PHC3: variants seen among roughly 807,000 people sequenced by gnomAD.
PHC3 encodes polyhomeotic homolog 3.
Under a neutral mutation model 107.4 loss-of-function variants are expected in PHC3, and 13 were observed. The ratio of observed to expected loss-of-function variants is 0.12; its 90% CI spans 0.08 to 0.19. The LOEUF is 0.19. Ranked by LOEUF, PHC3 falls within the 10% of genes least tolerant of loss-of-function variation. PHC3 has a pLI of 1.00. For missense variants in PHC3, 992 were observed against 1,210.9 expected (o/e 0.82, Z 2.68); for synonymous variants, 456 against 427.4 (o/e 1.07, Z -0.83).
intron 8 of PHC3, among the ~76,000 whole-genome samples, chr3:170,126,528 A>ATATTTTTTTTTT (rs370421296): frequency 1.1e-5 from 1 of 90,638 alleles, no homozygotes; most frequent in African/African-American, 4.5e-5. Flanking sequence ...ATATATATAT[A>ATATTTTTTTTTT]TTTTTTTTTT....
intron 4 of PHC3, among the ~76,000 whole-genome samples, chr3:170,158,744 T>C (rs560349221): frequency 3.2e-4 from 47 of 148,660 alleles, no homozygotes; most frequent in Non-Finnish European, 5.5e-4. Context: ...CTGGGCAACA[T>C]GGCAAGACTT....
At chr3:170,163,980 G>T (rs1032748153) in intron 4 of PHC3, among the ~76,000 whole-genome samples, 2 of 151,894 alleles carry the variant, frequency 1.3e-5, no homozygotes, top group Non-Finnish European at 2.9e-5. Flanking sequence ...CAGGAGGACT[G>T]CTTGAGGCCA....
rs570878524 is a variant in PHC3 at position 170,113,669 on chromosome 3, G to C, written c.2194-150C>G. ...CATTTAGTAAGTGCCTTATTCCTTGGGAAAAGATGAGGCAGAGTGGACATG... is the reference window on the plus strand; with the variant it reads ...CATTTAGTAAGTGCCTTATTCCTTGCGAAAAGATGAGGCAGAGTGGACATG... On this transcript the variant is annotated intron_variant, in intron 10 of 14. Transcript: ENST00000495893. 5.2e-5 allele frequency: 36 copies of C among 689,466 alleles called. No individual in the cohort carries two copies. The Admixed American group carries it at 7.5e-4, about 14-fold the overall frequency. The allele number at this position is 689,466 out of a possible 1,614,324, so 42.7% of individuals were successfully genotyped here. A position where few individuals can be genotyped will look rare whatever the true frequency, so the allele number is the denominator to read the frequency against.
In PHC3 at chr3:170,171,427, T is replaced by C; in HGVS notation, c.360A>G (p.Pro120=). ...TGACACTTCCTGTGGGAGATGTAGA[T>C]GGTCTTCCACTGGACAAACTTGCCT... The part of the protein sequence containing the change: ...AVQASLSSGR[P]STSPTGSVTQ... Residue 120 remains proline, a synonymous_variant, in exon 4 of 15, where the codon CCA becomes CCG. Coordinates refer to ENST00000495893, the MANE Select transcript of PHC3 (RefSeq NM_024947.4). 1.9e-6 allele frequency: 3 copies of C among 1,606,664 alleles called. No individual in the cohort carries two copies. The highest frequency in any genetic ancestry group is 2.5e-6 in the Non-Finnish European group (3 of 1,177,332).
intron 5 of PHC3, chr3:170,147,493 C>T (rs1725178466): frequency 6.6e-6 from 1 of 152,042 alleles, no homozygotes; most frequent in African/African-American, 2.4e-5. Flanking sequence ...AACTATAGAT[C>T]AAAACAATAT....
chr3:170,163,254 A>T (rs1728185185), intron 4 of PHC3, among the ~76,000 whole-genome samples: 1 of 151,832 alleles, frequency 6.6e-6, no homozygotes, highest in African/African-American at 2.4e-5. Flanking sequence ...CTAGAAAGTC[A>T]TAAAAAAAAA....
rs553499539 is a variant in PHC3, at chr3:170,164,036, T to TA, written c.414+7336dup. 8.2e-3 allele frequency among the ~76,000 whole-genome samples: 1,243 copies of TA among 151,806 alleles called. 19 individuals are homozygous for TA. Among genetic ancestry groups the TA allele is most frequent in the African/African-American group, 0.028 (1,175 of 41,386 alleles). ...GCAAGACAGCGAGACCCCTTCTCTATAAAAAAACAAACAAAAATAGCTGGG... is the reference window on the plus strand; with the variant it reads ...GCAAGACAGCGAGACCCCTTCTCTATAAAAAAAACAAACAAAAATAGCTGGG... On this transcript the variant is annotated intron_variant, in intron 4 of 14. Transcript: ENST00000495893.
chr3:170,132,097 C>T (rs1401816016), intron 7 of PHC3, among the ~76,000 whole-genome samples: 1 of 152,202 alleles, frequency 6.6e-6, no homozygotes, highest in Non-Finnish European at 1.5e-5. Flanking sequence ...AAAATCCTAT[C>T]ATGTTGGTTA....
chr3:170,106,293 A>C (rs554822412), intron 12 of PHC3, among the ~76,000 whole-genome samples: 50 of 152,324 alleles, frequency 3.3e-4, no homozygotes, highest in African/African-American at 1.1e-3. Flanking sequence ...AGAAAAGACA[A>C]GTATTTTGCT....
At chr3:170,125,572 G>A (rs1721115409) in intron 8 of PHC3, among the ~76,000 whole-genome samples, 1 of 152,064 alleles carries the variant, frequency 6.6e-6, no homozygotes, top group South Asian at 2.1e-4. Flanking sequence ...AGAAATCAAA[G>A]CTTGATCATA....
intron 8 of PHC3, among the ~76,000 whole-genome samples, chr3:170,123,828 C>T (rs1465303359): frequency 6.6e-6 from 1 of 151,752 alleles, no homozygotes; most frequent in African/African-American, 2.4e-5. Context: ...TCGAAGGCAC[C>T]CTGAGAAGGA....
At chr3:170,141,910 T>C (rs895637010) in intron 6 of PHC3, among the ~76,000 whole-genome samples, 1 of 152,180 alleles carries the variant, frequency 6.6e-6, no homozygotes, top group African/African-American at 2.4e-5. Flanking sequence ...GGCCTGTAAA[T>C]TCTTTAAGTG....
chr3:170,174,421 A>G (rs1048025275), intron 2 of PHC3, among the ~76,000 whole-genome samples: 2 of 152,160 alleles, frequency 1.3e-5, no homozygotes, highest in Non-Finnish European at 2.9e-5. Context: ...AAATATAGAA[A>G]AGTCAAGTAC....
In PHC3 at chr3:170,172,600, T is replaced by C. The variant is rs759460022; in HGVS notation, c.293A>G (p.Gln98Arg). Reference protein sequence around the residue: ...LMLHTAALQQQHLSSSQLQSL... With the variant: ...LMLHTAALQQRHLSSSQLQSL... ...CTGAAGCTGGGAGCTGCTTAAATGC[T>C]GCTGCTGAAGAGCTGCAGTATGCAG... is the stretch of plus-strand genomic sequence containing the variant. The change falls in exon 3 of 15, where the codon CAG becomes CGG. Residue 98 changes from glutamine (Q) to arginine (R), a missense_variant. This residue lies in a region of PHC3 where 161 missense variants were observed against 183.7 expected (regional missense o/e 0.88). Coordinates refer to ENST00000495893, the MANE Select transcript of PHC3 (RefSeq NM_024947.4). 2 of 1,613,736 alleles carry C rather than the reference T, an allele frequency of 1.2e-6. No individual in the cohort carries two copies. The highest frequency in any genetic ancestry group is 2.2e-5 in the South Asian group (2 of 91,054).
rs1717667472 is a variant in PHC3 at position 170,111,322 on chromosome 3, G to A, written c.2353+2038C>T. On this transcript the variant is annotated intron_variant, in intron 11 of 14. Coordinates refer to ENST00000495893, the MANE Select transcript of PHC3 (RefSeq NM_024947.4). ...GGAAGGAAGGAAGGAAGGAAGGAACGAACGAACGAAAGAACAAAAGAACGG... is the reference window on the plus strand; with the variant it reads ...GGAAGGAAGGAAGGAAGGAAGGAACAAACGAACGAAAGAACAAAAGAACGG... Among the ~76,000 whole-genome samples the A allele has an allele frequency of 2.8e-5, 3 of 108,170 alleles. 1 individual carries two copies. The highest frequency in any genetic ancestry group is 9.6e-5 in the African/African-American group (3 of 31,390). 71.0% of individuals were successfully genotyped at this position (108,170 alleles called of 152,430 possible). A position where few individuals can be genotyped will look rare whatever the true frequency, so the allele number is the denominator to read the frequency against.
At chr3:170,163,690 C>T (rs559271410) in intron 4 of PHC3, among the ~76,000 whole-genome samples, 2 of 151,690 alleles carry the variant, frequency 1.3e-5, no homozygotes, top group South Asian at 2.1e-4. Context: ...TGGTGAAACC[C>T]CATCTCTACT....
At chr3:170,181,592 C>T in intron 1 of PHC3, 110 bp downstream of exon 1, 1 of 1,537,534 alleles carries the variant, frequency 6.5e-7, no homozygotes, top group South Asian at 1.1e-5. Flanking sequence ...TCGAGTCTCT[C>T]TTTCCCCACA....
chr3:170,131,024 T>TA (rs1185870770), intron 7 of PHC3, among the ~76,000 whole-genome samples: 1 of 151,728 alleles, frequency 6.6e-6, no homozygotes, highest in African/African-American at 2.4e-5. Context: ...CACAACTTTT[T>TA]AAAAAAAATT....
chr3:170,168,096 A>G (rs543689951), intron 4 of PHC3, among the ~76,000 whole-genome samples: 1 of 152,246 alleles, frequency 6.6e-6, no homozygotes, highest in South Asian at 2.1e-4. Context: ...TGGGAGATTG[A>G]GGCGGTAGTG....
Sources: gnomAD v4.1 joint callset for allele counts (sites outside exome capture counted in the v4.1 genomes callset) on GRCh38, gnomAD v4.1.1 for gene constraint, gnomAD v4.1.1 regional missense constraint, MANE v1.5 for transcripts, NCBI Gene and HGNC (gene_info 2026-07-23, HGNC 2026-07-21) for gene names.